Variants in RANBP2 observed in about 807,000 individuals in gnomAD.
The protein encoded by RANBP2 is RAN binding protein 2.
RANBP2 carries 57 observed loss-of-function variants against 303.6 expected under a neutral mutation model. That is an observed-to-expected ratio of 0.19 (90% confidence interval 0.15 to 0.23). RANBP2 has a LOEUF of 0.23. Ranked by LOEUF, RANBP2 falls within the 10% of genes least tolerant of loss-of-function variation. RANBP2 has a pLI of 1.00. For synonymous variants in RANBP2, 1,167 were observed against 1,301.5 expected, an observed-to-expected ratio of 0.90 and a Z score of 2.23; for missense variants, 3,138 against 3,780.8, an observed-to-expected ratio of 0.83 and a Z score of 4.46.
chr2:108,782,115 TC>T lies in RANBP2; in HGVS notation c.8761-12del, dbSNP rs1472359533. The T allele has an allele frequency of 6.2e-7, 1 of 1,613,140 alleles. No individual in the cohort carries two copies. The highest frequency in any genetic ancestry group is 8.5e-7 in the Non-Finnish European group (1 of 1,179,720). On this transcript the variant is annotated splice_polypyrimidine_tract_variant and intron_variant, in intron 26 of 28. Coordinates refer to ENST00000283195, the MANE Select transcript of RANBP2 (RefSeq NM_006267.5). ...AAGCAGCAGCTTATAGAGAATTTCA[TC>T]TCCTATTATAGGTAGAAGTAAAATC...
the RANBP2 span, among the ~76,000 whole-genome samples, chr2:109,670,123 C>T: frequency 6.6e-6 from 1 of 152,176 alleles, no homozygotes; most frequent in Non-Finnish European, 1.5e-5. Context: ...CACAGAGTAG[C>T]TGGGCTACAG....
the RANBP2 span, chr2:109,614,131 A>G: frequency 4.2e-6 from 5 of 1,204,804 alleles, no homozygotes; most frequent in Non-Finnish European, 4.1e-6. Flanking sequence ...GAGAGCTGGG[A>G]CTCCAGGAAG....
the RANBP2 span, among the ~76,000 whole-genome samples, chr2:109,238,677 C>T: frequency 6.6e-6 from 1 of 152,174 alleles, no homozygotes; most frequent in South Asian, 2.1e-4. Flanking sequence ...AGAGTGCTCA[C>T]AGGATGGCCT....
the RANBP2 span, among the ~76,000 whole-genome samples, chr2:108,826,970 A>G: frequency 6.6e-6 from 1 of 152,310 alleles, no homozygotes; most frequent in East Asian, 1.9e-4. Context: ...TTGAAAAGTT[A>G]GTTTCACAGT....
the RANBP2 span, among the ~76,000 whole-genome samples, chr2:108,852,699 G>A: frequency 6.6e-6 from 1 of 152,146 alleles, no homozygotes; most frequent in Non-Finnish European, 1.5e-5. Flanking sequence ...GGAGCTAAAT[G>A]ATGAGAACAC....
the RANBP2 span, among the ~76,000 whole-genome samples, chr2:109,111,279 T>C: frequency 6.6e-6 from 1 of 152,168 alleles, no homozygotes; most frequent in African/African-American, 2.4e-5. Context: ...AGAACTTGTA[T>C]TTTCAAAGGT....
chr2:109,615,600 A>G, the RANBP2 span: 1 of 1,613,748 alleles, frequency 6.2e-7, no homozygotes, highest in Non-Finnish European at 8.5e-7. Context: ...TGTGGACATC[A>G]GGGACTACAG....
the RANBP2 span, among the ~76,000 whole-genome samples, chr2:109,608,212 C>A: frequency 1.3e-5 from 2 of 152,112 alleles, no homozygotes; most frequent in Non-Finnish European, 2.9e-5. Flanking sequence ...ATATATGCAG[C>A]TAAGGAAAAA....
At chr2:109,306,095 A>G in the RANBP2 span, among the ~76,000 whole-genome samples, 1 of 152,170 alleles carries the variant, frequency 6.6e-6, no homozygotes, top group African/African-American at 2.4e-5. Context: ...GCTTTTGTCT[A>G]CCTCACGCTA....
chr2:109,139,705 A>G, the RANBP2 span, among the ~76,000 whole-genome samples: 1 of 152,250 alleles, frequency 6.6e-6, no homozygotes, highest in Non-Finnish European at 1.5e-5. Flanking sequence ...GAGGTGACGT[A>G]TATCAGATCC....
chr2:108,732,789 A>G (rs1695273928), intron 4 of RANBP2, among the ~76,000 whole-genome samples: 1 of 152,190 alleles, frequency 6.6e-6, no homozygotes, highest in Non-Finnish European at 1.5e-5. Context: ...TCAAAATGTT[A>G]TGTAAATGTC....
At chr2:108,962,707 A>AGG in the RANBP2 span, among the ~76,000 whole-genome samples, 1 of 149,544 alleles carries the variant, frequency 6.7e-6, no homozygotes, top group Non-Finnish European at 1.5e-5. Context: ...AAAAAGAGAG[A>AGG]AAGGAATGCA....
the RANBP2 span, among the ~76,000 whole-genome samples, chr2:109,297,525 C>T: frequency 1.3e-5 from 2 of 151,802 alleles, no homozygotes; most frequent in Non-Finnish European, 2.9e-5. Flanking sequence ...GTCAGTGCCT[C>T]CCACCCAGGC....
chr2:109,591,985 CAGATTT>C, the RANBP2 span, among the ~76,000 whole-genome samples: 2 of 152,088 alleles, frequency 1.3e-5, no homozygotes, highest in African/African-American at 2.4e-5. Context: ...CCTCTTTCAC[CAGATTT>C]ACTTCCTATT....
the RANBP2 span, among the ~76,000 whole-genome samples, chr2:109,151,407 C>A: frequency 6.6e-6 from 1 of 152,158 alleles, no homozygotes; most frequent in African/African-American, 2.4e-5. Context: ...GGTTCAAATT[C>A]CTAATTTTAT....
At chr2:108,799,494 A>G in the RANBP2 span, among the ~76,000 whole-genome samples, 8 of 151,990 alleles carry the variant, frequency 5.3e-5, no homozygotes, top group Non-Finnish European at 1.0e-4. Context: ...CCACTGACCT[A>G]TTTTCTGTCC....
the RANBP2 span, among the ~76,000 whole-genome samples, chr2:109,663,258 G>A: frequency 6.6e-6 from 1 of 152,090 alleles, no homozygotes; most frequent in South Asian, 2.1e-4. Flanking sequence ...CCTCCCTCTT[G>A]TGGGCTCTCA....
the RANBP2 span, among the ~76,000 whole-genome samples, chr2:109,300,700 C>T: frequency 6.6e-6 from 1 of 152,344 alleles, no homozygotes; most frequent in East Asian, 1.9e-4. Flanking sequence ...CCTCCTTCAC[C>T]ACCTTCCAAC....
the RANBP2 span, among the ~76,000 whole-genome samples, chr2:109,294,197 A>G: frequency 6.6e-6 from 1 of 152,182 alleles, no homozygotes; most frequent in Non-Finnish European, 1.5e-5. Flanking sequence ...TGTATGTCAC[A>G]TACAGCTCCT....
Sources: allele counts gnomAD v4.1 joint callset (sites outside exome capture counted in the v4.1 genomes callset), GRCh38; gene constraint gnomAD v4.1.1; transcripts MANE v1.5; gene names NCBI Gene and HGNC (gene_info 2026-07-23, HGNC 2026-07-21).